Variants in VNN2 observed in about 807,000 individuals in gnomAD.
VNN2 encodes pantetheine hydrolase VNN2.
Under a neutral mutation model 43.0 loss-of-function variants are expected in VNN2, and 43 were observed. That is an observed-to-expected ratio of 1.00 (90% confidence interval 0.78 to 1.29). VNN2 has a LOEUF of 1.29. Ranked by LOEUF, VNN2 falls within the 50% of genes most tolerant of loss-of-function variation. VNN2 has a pLI of 0.00. For missense variants in VNN2, 652 were observed against 619.7 expected, an observed-to-expected ratio of 1.05 and a Z score of -0.55; for synonymous variants, 230 against 224.3, an observed-to-expected ratio of 1.03 and a Z score of -0.23.
intron 4 of VNN2, 30 bp from the exon 5 acceptor site, chr6:132,751,548 C>T (rs773166067): frequency 8.9e-6 from 14 of 1,567,508 alleles, no homozygotes; most frequent in Non-Finnish European, 6.0e-6. Context: ...CTTCTAAAAA[C>T]AACACCACAC....
chr6:132,751,559 AC>A, intron 4 of VNN2, 41 bp from the exon 5 acceptor site: 1 of 1,555,894 alleles, frequency 6.4e-7, no homozygotes, highest in Non-Finnish European at 8.7e-7. Context: ...AACACCACAC[AC>A]AAAAAAACCA....
chr6:132,747,753 G>A (rs891948290), intron 6 of VNN2, among the ~76,000 whole-genome samples: 1 of 152,082 alleles, frequency 6.6e-6, no homozygotes, highest in Admixed American at 6.6e-5. Flanking sequence ...AAGACATTTG[G>A]GATGAAATTT....
chr6:132,752,490 T>C lies in VNN2; in HGVS notation c.797A>G (p.Asn266Ser). 1.2e-6 allele frequency: 2 copies of C among 1,614,122 alleles called. No individual in the cohort carries two copies. Among genetic ancestry groups the C allele is most frequent in the South Asian group, 1.1e-5 (1 of 91,078 alleles). Reference protein sequence around the residue: ...MGMGVNLLVANTHHVSLNMTG... With the variant: ...MGMGVNLLVASTHHVSLNMTG... ...CATATTTAGGCTGACATGATGTGTG[T>C]TGGCCACAAGAAGATTAACTCCCAT... is the stretch of plus-strand genomic sequence containing the variant. Residue 266 changes from asparagine (N) to serine (S), a missense_variant, in exon 4 of 7, where the codon AAC becomes AGC. Transcript: ENST00000326499.
rs1780445630 is a variant in VNN2 at position 132,755,980 on chromosome 6, T to C, written c.400A>G (p.Ile134Val). ...TCCCCCAAATTTGCCAAGACATAGA[T>C]AGAGTTGTCCTTGGCCAGGCAGCTG... ...RLSCLAKDNS[I>V]YVLANLGDKK... Residue 134 changes from isoleucine (I) to valine (V), a missense_variant, in exon 3 of 7, where the codon ATC (isoleucine) becomes GTC (valine). By Grantham distance (29) the Ile-to-Val change is conservative. Coordinates refer to ENST00000326499, the MANE Select transcript of VNN2 (RefSeq NM_004665.6). 1 of 1,614,038 alleles carries C rather than the reference T, an allele frequency of 6.2e-7. No individual in the cohort carries two copies. The highest frequency in any genetic ancestry group is 8.5e-7 in the Non-Finnish European group (1 of 1,180,024).
upstream of VNN2, chr6:132,760,802 G>A (rs954346312): frequency 6.6e-6 from 1 of 152,172 alleles, no homozygotes; most frequent in Middle Eastern, 3.4e-3. Context: ...CTCTGTCCTT[G>A]GCTGTAAAAG....
At chr6:132,747,693 T>C (rs2114524600) in intron 6 of VNN2, among the ~76,000 whole-genome samples, 1 of 152,302 alleles carries the variant, frequency 6.6e-6, no homozygotes, top group East Asian at 1.9e-4. Context: ...GAGTTAAGCA[T>C]TTAAACATGT....
chr6:132,749,923 G>T, intron 5 of VNN2, 58 bp from the exon 6 acceptor site: 1 of 1,474,738 alleles, frequency 6.8e-7, no homozygotes, highest in Non-Finnish European at 9.1e-7. Context: ...ACTCATACCA[G>T]AAATGTTGCC....
chr6:132,752,531 T>C lies in VNN2; in HGVS notation c.756A>G (p.Ser252=). The C allele has an allele frequency of 6.2e-7, 1 of 1,614,180 alleles. No individual in the cohort carries two copies. Among genetic ancestry groups the C allele is most frequent in the Non-Finnish European group, 8.5e-7 (1 of 1,180,034 alleles). The change falls in exon 4 of 7, where the codon TCA becomes TCG. Residue 252 remains serine, a synonymous_variant. Coordinates refer to ENST00000326499, the MANE Select transcript of VNN2 (RefSeq NM_004665.6). ...LPLLTAIEFH[S]AWAMGMGVNL... Reference sequence around the variant, plus strand: ...TAACTCCCATTCCCATTGCCCAAGCTGAATGGAATTCAATAGCTGTCAAAA... The same window carrying C: ...TAACTCCCATTCCCATTGCCCAAGCCGAATGGAATTCAATAGCTGTCAAAA...
chr6:132,747,109 C>T (rs1004501414), intron 6 of VNN2, among the ~76,000 whole-genome samples: 4 of 152,046 alleles, frequency 2.6e-5, no homozygotes, highest in Admixed American at 1.3e-4. Flanking sequence ...TTACAGGTGC[C>T]CAATTTAAAC....
At chr6:132,746,063 A>C (rs1193150048) in intron 6 of VNN2, among the ~76,000 whole-genome samples, 1 of 152,228 alleles carries the variant, frequency 6.6e-6, no homozygotes, top group Non-Finnish European at 1.5e-5. Flanking sequence ...TCCTCACCAA[A>C]TCAGTGAGGA....
chr6:132,752,963 C>G, intron 3 of VNN2: 1 of 502,090 alleles, frequency 2.0e-6, no homozygotes, highest in Non-Finnish European at 3.5e-6. Flanking sequence ...CCTCTCTCTC[C>G]CTTCTCTCTC....
chr6:132,760,659 T>G (rs982026556), upstream of VNN2: 3 of 151,962 alleles, frequency 2.0e-5, no homozygotes, highest in Admixed American at 6.6e-5. Flanking sequence ...CACCAATTAG[T>G]AATACTTAAT....
upstream of VNN2, among the ~76,000 whole-genome samples, chr6:132,760,197 CAG>C (rs1291381580): frequency 1.3e-5 from 2 of 152,086 alleles, no homozygotes; most frequent in Non-Finnish European, 2.9e-5. Flanking sequence ...TGTTTTGAGA[CAG>C]AGTCTTGCTC....
At chr6:132,762,705 A>G (rs556997721), upstream of VNN2, among the ~76,000 whole-genome samples, 4 of 152,346 alleles carry the variant, frequency 2.6e-5, no homozygotes, top group South Asian at 6.2e-4. Flanking sequence ...AACACAGCTG[A>G]AACCAGAGCA....
chr6:132,753,439 T>A (rs1473502190), intron 3 of VNN2: 1 of 447,716 alleles, frequency 2.2e-6, no homozygotes, highest in Non-Finnish European at 4.5e-6. Context: ...GTGAGAGATG[T>A]CATCTCTCTC....
In VNN2 at chr6:132,755,292, C is replaced by CTT. The variant is rs35767700; in HGVS notation, c.537+549_537+550dup. On this transcript the variant is annotated intron_variant, in intron 3 of 6. Coordinates refer to ENST00000326499, the MANE Select transcript of VNN2 (RefSeq NM_004665.6). ...ATCTCAATCCTGGACCATCATGCTA[C>CTT]TTTTTTTTTTTTTTAACAGTTCTCT... 4.1e-3 allele frequency among the ~76,000 whole-genome samples: 578 copies of CTT among 141,354 alleles called. 3 individuals carry two copies. The highest frequency in any genetic ancestry group is 0.012 in the African/African-American group (478 of 38,542). The allele number at this position is 141,354 out of a possible 152,430, so 92.7% of individuals were successfully genotyped here.
intron 3 of VNN2, chr6:132,753,354 GC>G: frequency 2.7e-6 from 1 of 368,704 alleles, no homozygotes; most frequent in Non-Finnish European, 5.4e-6. Context: ...TAAAAAACAT[GC>G]ATTATTCTTC....
intron 2 of VNN2, among the ~76,000 whole-genome samples, chr6:132,756,690 C>T (rs34625012): frequency 0.047 from 7,158 of 152,222 alleles, 228 homozygotes; most frequent in East Asian, 0.13. Flanking sequence ...CGTTTTCTTC[C>T]GAGTCTAAAC....
In VNN2 at chr6:132,757,808, A is replaced by G. The variant is rs150589597; in HGVS notation, c.76T>C (p.Phe26Leu). 1.9e-6 allele frequency: 3 copies of G among 1,613,986 alleles called. No homozygotes were observed. In the African/African-American group the frequency reaches 4.0e-5, roughly 22 times the overall value. ...ITLQVGTQDSFIAAVYEHAVI... is the reference protein window; with the variant it reads ...ITLQVGTQDSLIAAVYEHAVI... ...GCATGTTCATACACTGCAGCTATAA[A>G]ACTGTCCTGAGTACCAACCTGCAGG... is the stretch of plus-strand genomic sequence containing the variant. The change falls in exon 1 of 7, where the codon TTT (phenylalanine) becomes CTT (leucine). Residue 26 changes from phenylalanine (F) to leucine (L), a missense_variant. Transcript: ENST00000326499.
Sources: gnomAD v4.1 joint callset for allele counts (sites outside exome capture counted in the v4.1 genomes callset) on GRCh38, gnomAD v4.1.1 for gene constraint, MANE v1.5 for transcripts, NCBI Gene and HGNC (gene_info 2026-07-23, HGNC 2026-07-21) for gene names.